TTC6: variants seen among roughly 807,000 people sequenced by gnomAD.
TTC6 encodes tetratricopeptide repeat domain 6, also known as tetratricopeptide repeat protein 6.
In TTC6, 172 loss-of-function variants were observed where a neutral mutation model predicts 210.4. The observed-to-expected ratio is 0.82, with a 90% CI of 0.72 to 0.93. The LOEUF (loss-of-function observed/expected upper bound fraction) is 0.93, where lower values mean the gene tolerates loss of function less well. TTC6 is among the 40% of genes least tolerant of loss of function. The pLI, the probability that TTC6 is intolerant of heterozygous loss-of-function variation, is 0.00. For synonymous variants in TTC6, 804 were observed against 819.6 expected (o/e 0.98, Z 0.32); for missense variants, 2,414 against 2,318.1 (o/e 1.04, Z -0.85).
chr14:37,649,795 G>T (rs139869017), intron 1 of TTC6, among the ~76,000 whole-genome samples: 45 of 152,294 alleles, frequency 3.0e-4, no homozygotes, highest in African/African-American at 9.9e-4. Context: ...TAACTCATTT[G>T]CCAAGGCAAC....
chr14:37,714,999 G>C (rs370282549), intron 6 of TTC6, among the ~76,000 whole-genome samples: 5 of 151,996 alleles, frequency 3.3e-5, no homozygotes, highest in African/African-American at 1.2e-4. Context: ...CCAACATAAC[G>C]AGACCTCGTA....
chr14:37,773,110 TTTTG>T (rs1237894819), intron 14 of TTC6, among the ~76,000 whole-genome samples: 6 of 152,142 alleles, frequency 3.9e-5, no homozygotes, highest in South Asian at 2.1e-4. Flanking sequence ...GTGTGGGTTT[TTTTG>T]TTTGTTTGTT....
intron 2 of TTC6, among the ~76,000 whole-genome samples, chr14:37,681,610 G>T (rs1168182347): frequency 6.6e-6 from 1 of 151,964 alleles, no homozygotes; most frequent in Admixed American, 6.6e-5. Context: ...CTTGGTACCG[G>T]GTCATGGATG....
intron 14 of TTC6, among the ~76,000 whole-genome samples, chr14:37,770,215 A>G (rs1158568664): frequency 6.6e-6 from 1 of 152,118 alleles, no homozygotes; most frequent in Non-Finnish European, 1.5e-5. Flanking sequence ...GGAGAGCTTT[A>G]CTTCCAACTA....
At chr14:37,841,340 C>T in intron 29 of TTC6, 105 bp from the exon 32 acceptor site, 1 of 941,570 alleles carries the variant, frequency 1.1e-6, no homozygotes, top group South Asian at 1.6e-5. Flanking sequence ...CTGTTGACCT[C>T]TTGGTATGCC....
At chr14:37,674,279 T>C (rs571563539) in intron 1 of TTC6, among the ~76,000 whole-genome samples, 22 of 152,232 alleles carry the variant, frequency 1.4e-4, no homozygotes, top group African/African-American at 5.1e-4. Flanking sequence ...ACAGATTATT[T>C]TGGGAATTTT....
At chr14:37,613,040 G>A (rs2095637148) in intron 2 of TTC6, among the ~76,000 whole-genome samples, 1 of 152,134 alleles carries the variant, frequency 6.6e-6, no homozygotes, top group Admixed American at 6.5e-5. Context: ...TGAAAAGAGT[G>A]AGACATTTTT....
At chr14:37,718,585 C>T (rs1256122973) in intron 6 of TTC6, among the ~76,000 whole-genome samples, 1 of 152,070 alleles carries the variant, frequency 6.6e-6, no homozygotes, top group East Asian at 1.9e-4. Context: ...AGAAAAGAAG[C>T]AATACAGCTG....
intron 1 of TTC6, among the ~76,000 whole-genome samples, chr14:37,676,057 C>T (rs1030491558): frequency 6.6e-6 from 1 of 152,034 alleles, no homozygotes; most frequent in Non-Finnish European, 1.5e-5. Context: ...AGTGTCAAAA[C>T]TCTTTCAAAG....
In TTC6 at chr14:37,714,643, A is replaced by C. The variant is rs1249892090; in HGVS notation, c.1572-12A>C. 2 of 1,531,946 alleles carry C rather than the reference A, an allele frequency of 1.3e-6. No individual in the cohort carries two copies. Among genetic ancestry groups the C allele is most frequent in the Non-Finnish European group, 1.7e-6 (2 of 1,144,992 alleles). 94.9% of individuals were successfully genotyped at this position (1,531,946 alleles called of 1,614,324 possible). ...CTTAAAAAGCAAACTTATTGTTCTTATCACATTGTAGAATATTGTATGGAA... is the reference window on the plus strand; with the variant it reads ...CTTAAAAAGCAAACTTATTGTTCTTCTCACATTGTAGAATATTGTATGGAA... On this transcript the variant is annotated splice_polypyrimidine_tract_variant and intron_variant, in intron 5 of 30. Transcript: ENST00000553443.
intron 17 of TTC6, among the ~76,000 whole-genome samples, chr14:37,794,568 T>C (rs1329899006): frequency 2.0e-5 from 3 of 152,222 alleles, no homozygotes; most frequent in Non-Finnish European, 4.4e-5. Flanking sequence ...TAATGTTTAC[T>C]TTTCGTTACA....
At chr14:37,761,838 G>GAT (rs1298449133) in intron 14 of TTC6, among the ~76,000 whole-genome samples, 1 of 152,076 alleles carries the variant, frequency 6.6e-6, no homozygotes. Flanking sequence ...ATATTTATGG[G>GAT]ATACAAAGTG....
intron 3 of TTC6, among the ~76,000 whole-genome samples, chr14:37,694,204 C>G (rs1303241682): frequency 1.3e-5 from 2 of 152,052 alleles, no homozygotes; most frequent in African/African-American, 4.8e-5. Context: ...AGCAAACTAC[C>G]CATCTTGCAA....
At chr14:37,808,631 T>C in intron 23 of TTC6, 102 bp from the exon 26 acceptor site, 1 of 606,822 alleles carries the variant, frequency 1.6e-6, no homozygotes. Context: ...AATGGTTAAA[T>C]GAGTGTTTCA....
chr14:37,602,437 T>G (rs1433120889), intron 1 of TTC6, among the ~76,000 whole-genome samples: 1 of 152,228 alleles, frequency 6.6e-6, no homozygotes, highest in Non-Finnish European at 1.5e-5. Flanking sequence ...TGGAGACCTC[T>G]CGTGTCATTT....
chr14:37,802,325 A>G (rs1303815296), intron 20 of TTC6: 1 of 152,146 alleles, frequency 6.6e-6, no homozygotes, highest in Non-Finnish European at 1.5e-5. Flanking sequence ...AGGTGCAGCA[A>G]ACCACCATGG....
Position 37,821,964 on chromosome 14 carries a change from A to C in TTC6, c.4764-1783A>C, listed in dbSNP as rs577602450. Among the ~76,000 whole-genome samples the C allele has an allele frequency of 4.6e-5, 7 of 151,824 alleles. No homozygotes were observed. In the East Asian group the frequency reaches 1.4e-3, roughly 30 times the overall value. ...CTTTGCTAATTTTTGTATTTTCAGT[A>C]GAGACGGGGTGTCACCATGTTGGCC... On this transcript the variant is annotated intron_variant, in intron 26 of 30. Coordinates refer to ENST00000553443, the Ensembl canonical transcript of TTC6.
exon 1 of TTC6, chr14:37,622,853 C>T: frequency 6.5e-7 from 1 of 1,534,456 alleles, no homozygotes; most frequent in Non-Finnish European, 8.7e-7. Context: ...GGGAGGCCGC[C>T]TGGCAGGCGC....
At chr14:37,790,418 C>T (rs552339073) in intron 15 of TTC6, among the ~76,000 whole-genome samples, 1 of 152,266 alleles carries the variant, frequency 6.6e-6, no homozygotes, top group Admixed American at 6.5e-5. Context: ...TACTTACCCC[C>T]TTTGGACTTT....
Sources: gnomAD v4.1 joint callset for allele counts (sites outside exome capture counted in the v4.1 genomes callset) on GRCh38, gnomAD v4.1.1 for gene constraint, MANE v1.5 for transcripts, NCBI Gene and HGNC (gene_info 2026-07-23, HGNC 2026-07-21) for gene names.